The following RBM33 variants were observed in gnomAD, a reference collection of about 807,000 sequenced individuals.
The protein encoded by RBM33 is RNA-binding protein 33.
RBM33 carries 28 observed loss-of-function variants against 132.6 expected under a neutral mutation model. The observed-to-expected ratio is 0.21, with a 90% CI of 0.16 to 0.29. The LOEUF is 0.29. Ranked by LOEUF, RBM33 falls within the 10% of genes least tolerant of loss-of-function variation. The pLI, the probability that RBM33 is intolerant of heterozygous loss-of-function variation, is 1.00. For synonymous variants in RBM33, 634 were observed against 593.0 expected (o/e 1.07, Z -1.01); for missense variants, 1,291 against 1,518.5 (o/e 0.85, Z 2.49).
intron 6 of RBM33, among the ~76,000 whole-genome samples, chr7:155,702,151 TA>T (rs1799984310): frequency 6.6e-6 from 1 of 152,230 alleles, no homozygotes; most frequent in African/African-American, 2.4e-5. Context: ...AATCAAGACT[TA>T]CCTTTCATGA....
chr7:155,682,724 T>C (rs927846742), intron 5 of RBM33, among the ~76,000 whole-genome samples: 1 of 152,214 alleles, frequency 6.6e-6, no homozygotes, highest in Non-Finnish European at 1.5e-5. Flanking sequence ...GGAAGGTGCC[T>C]GATAGAATGC....
chr7:155,734,305 A>G (rs941258974), intron 9 of RBM33, among the ~76,000 whole-genome samples: 2 of 152,138 alleles, frequency 1.3e-5, no homozygotes, highest in Non-Finnish European at 2.9e-5. Flanking sequence ...CCCTCTGTTG[A>G]ATTGAAATCA....
intron 14 of RBM33, among the ~76,000 whole-genome samples, chr7:155,757,286 C>T (rs910034782): frequency 2.0e-5 from 3 of 152,036 alleles, no homozygotes; most frequent in African/African-American, 7.3e-5. Context: ...GAGTAAAACC[C>T]GGGAACTTGA....
intron 1 of RBM33, among the ~76,000 whole-genome samples, chr7:155,651,431 A>C (rs1798349730): frequency 6.6e-6 from 1 of 151,996 alleles, no homozygotes; most frequent in African/African-American, 2.4e-5. Context: ...AGAAGTTTTT[A>C]ACAACATTTT....
At chr7:155,769,415 C>T (rs1254395648) in intron 16 of RBM33, among the ~76,000 whole-genome samples, 1 of 152,182 alleles carries the variant, frequency 6.6e-6, no homozygotes, top group Non-Finnish European at 1.5e-5. Flanking sequence ...AGCTTTGCTC[C>T]CAAGGCCAGG....
At chr7:155,709,855 C>T (rs980545865) in intron 7 of RBM33, among the ~76,000 whole-genome samples, 11 of 152,196 alleles carry the variant, frequency 7.2e-5, no homozygotes, top group Admixed American at 4.6e-4. Context: ...TCTTTTGAAA[C>T]GTCTTCTGTG....
chr7:155,681,662 T>C (rs1799341546), intron 5 of RBM33, among the ~76,000 whole-genome samples: 1 of 152,110 alleles, frequency 6.6e-6, no homozygotes, highest in African/African-American at 2.4e-5. Context: ...TTGGGAACAC[T>C]ATGGGGGCCG....
chr7:155,731,398 T>C (rs1382931011), intron 9 of RBM33, among the ~76,000 whole-genome samples: 2 of 152,194 alleles, frequency 1.3e-5, no homozygotes, highest in Non-Finnish European at 2.9e-5. Flanking sequence ...CAATAAGAGA[T>C]GAACAGCAAT....
Position 155,745,341 on chromosome 7 carries a change from G to A in RBM33, c.2718G>A (p.Gln906=), listed in dbSNP as rs201248101. 1 of 1,613,292 alleles carries A rather than the reference G, an allele frequency of 6.2e-7. No homozygotes were observed. The highest frequency in any genetic ancestry group is 2.2e-5 in the East Asian group (1 of 44,880). ...CCAACATGCAGTATCAAGGACAACA[G>A]ATGAAAGCACTGAAACATTTGAGAC... The part of the protein sequence containing the change: ...SSANMQYQGQ[Q]MKALKHLRQT... Residue 906 remains glutamine (Q), a synonymous_variant, in exon 14 of 18, where the codon CAG becomes CAA. Transcript: ENST00000401878. This position sits in a 1 kb window ranked among gnomAD's most constrained non-coding sequence, Gnocchi z 4.1.
Position 155,774,391 on chromosome 7 carries a change from G to A in RBM33, c.3376-168G>A. On this transcript the variant is annotated intron_variant, in intron 16 of 17. Coordinates refer to ENST00000401878, the MANE Select transcript of RBM33 (RefSeq NM_053043.3). This position sits in a 1 kb window ranked among gnomAD's most constrained non-coding sequence, Gnocchi z 4.2. ...GCACTGTTTTGGAGTAGATTATCTA[G>A]ATAAGTAAGACAAATTGCCAGGGAG... Among the ~76,000 whole-genome samples the A allele has an allele frequency of 6.6e-6, 1 of 152,210 alleles. No homozygotes were observed. Among genetic ancestry groups the A allele is most frequent in the East Asian group, 1.9e-4 (1 of 5,198 alleles).
At chr7:155,683,468 T>C (rs541485467) in intron 5 of RBM33, among the ~76,000 whole-genome samples, 13 of 152,194 alleles carry the variant, frequency 8.5e-5, no homozygotes, top group Non-Finnish European at 1.8e-4. Context: ...AACTCTGAAA[T>C]GTGGATCTGT....
At chr7:155,690,133 G>C (rs1438240537) in intron 5 of RBM33, among the ~76,000 whole-genome samples, 3 of 152,188 alleles carry the variant, frequency 2.0e-5, no homozygotes, top group African/African-American at 7.2e-5. Flanking sequence ...CTCAGGACTT[G>C]CTTTATGAAT....
rs77197594 is a variant in RBM33, at chr7:155,725,739, G to A, written c.1260+7296G>A. On this transcript the variant is annotated intron_variant, in intron 9 of 17. Coordinates refer to ENST00000401878, the MANE Select transcript of RBM33 (RefSeq NM_053043.3). ...CCATTTTGTACCAAAGAAAAGTTTTGTAGTTTGTAGTGGGTGCTCTTGTTT... is the reference window on the plus strand; with the variant it reads ...CCATTTTGTACCAAAGAAAAGTTTTATAGTTTGTAGTGGGTGCTCTTGTTT... Among the ~76,000 whole-genome samples, 650 of 152,300 alleles carry A rather than the reference G, an allele frequency of 4.3e-3. 6 individuals are homozygous for A. The highest frequency in any genetic ancestry group is 0.015 in the African/African-American group (617 of 41,558).
At chr7:155,673,565 CATAT>C (rs372950895) in intron 3 of RBM33, among the ~76,000 whole-genome samples, 3 of 77,012 alleles carry the variant, frequency 3.9e-5, no homozygotes, top group African/African-American at 6.8e-5. Context: ...TATATACACA[CATAT>C]ACATACACAC....
At chr7:155,658,848 A>G (rs1330680295) in intron 1 of RBM33, among the ~76,000 whole-genome samples, 1 of 152,212 alleles carries the variant, frequency 6.6e-6, no homozygotes, top group Non-Finnish European at 1.5e-5. Context: ...AGAACCTAAC[A>G]TTGGTTTTCA....
At chr7:155,650,681 C>T (rs910308597) in intron 1 of RBM33, among the ~76,000 whole-genome samples, 5 of 152,172 alleles carry the variant, frequency 3.3e-5, no homozygotes, top group African/African-American at 1.2e-4. Flanking sequence ...CTCTTTTCTC[C>T]AGAGCCATTT....
At chr7:155,733,721 C>T (rs560511009) in intron 9 of RBM33, among the ~76,000 whole-genome samples, 5 of 152,264 alleles carry the variant, frequency 3.3e-5, no homozygotes, top group East Asian at 3.9e-4. Flanking sequence ...TGTGAAGGAG[C>T]GCTTGCTCAG....
chr7:155,766,852 T>G, intron 16 of RBM33, 197 bp downstream of exon 16: 1 of 604,498 alleles, frequency 1.7e-6, no homozygotes, highest in Non-Finnish European at 2.9e-6. Context: ...ATTTTCAGAT[T>G]CTTAGTTATA....
chr7:155,699,897 A>G (rs181976755), intron 5 of RBM33, among the ~76,000 whole-genome samples: 5 of 152,332 alleles, frequency 3.3e-5, no homozygotes, highest in Non-Finnish European at 7.3e-5. Flanking sequence ...AAAGGAGCAA[A>G]TATATTCTCC....
Sources: gnomAD v4.1 joint callset for allele counts (sites outside exome capture counted in the v4.1 genomes callset) on GRCh38, gnomAD v4.1.1 for gene constraint, Gnocchi (gnomAD v3.1) non-coding constraint, MANE v1.5 for transcripts, NCBI Gene and HGNC (gene_info 2026-07-23, HGNC 2026-07-21) for gene names.